DIAPH3: variants seen among roughly 807,000 people sequenced by gnomAD.
DIAPH3 encodes the protein diaphanous related formin 3, also known as protein diaphanous homolog 3.
DIAPH3 carries 117 observed loss-of-function variants against 144.3 expected under a neutral mutation model. The observed-to-expected ratio is 0.81, with a 90% CI of 0.70 to 0.95. DIAPH3 has a LOEUF of 0.95. Among genes scored for constraint, DIAPH3 ranks in the 40% least tolerant of loss-of-function variants. The probability of loss-of-function intolerance (pLI) is 0.00; values close to 1 mark genes in which losing one functional copy is unlikely to be tolerated. For synonymous variants in DIAPH3, 519 were observed against 488.9 expected (o/e 1.06, Z -0.81); for missense variants, 1,421 against 1,412.7 (o/e 1.01, Z -0.09).
intron 4 of DIAPH3, among the ~76,000 whole-genome samples, chr13:60,087,450 C>A (rs2057783980): frequency 6.6e-6 from 1 of 152,138 alleles, no homozygotes; most frequent in African/African-American, 2.4e-5. Flanking sequence ...TACATACACA[C>A]AAGAAACTAT....
chr13:60,051,002 A>T (rs1174815444), intron 4 of DIAPH3, among the ~76,000 whole-genome samples: 4 of 152,214 alleles, frequency 2.6e-5, no homozygotes, highest in Non-Finnish European at 5.9e-5. Context: ...AACTGTGAAG[A>T]TGATGTCCAG....
At chr13:60,061,693 G>GA (rs368084838) in intron 4 of DIAPH3, among the ~76,000 whole-genome samples, 24 of 151,570 alleles carry the variant, frequency 1.6e-4, no homozygotes, top group African/African-American at 5.8e-4. Context: ...AATACAGGGA[G>GA]AATTGTTTTT....
chr13:60,158,923 A>C (rs1489693507), intron 1 of DIAPH3, among the ~76,000 whole-genome samples: 1 of 151,548 alleles, frequency 6.6e-6, no homozygotes, highest in African/African-American at 2.4e-5. Flanking sequence ...AAAAAAAAAA[A>C]AAAAAAAAAC....
At chr13:60,141,333 A>G (rs913077030) in intron 1 of DIAPH3, among the ~76,000 whole-genome samples, 1 of 89,244 alleles carries the variant, frequency 1.1e-5, no homozygotes, top group African/African-American at 4.5e-5. Context: ...CTACTACACA[A>G]TTAGGCCAAC....
intron 17 of DIAPH3, among the ~76,000 whole-genome samples, chr13:59,936,111 A>G (rs1203368928): frequency 6.6e-6 from 1 of 151,974 alleles, no homozygotes; most frequent in Non-Finnish European, 1.5e-5. Context: ...GTATATCTAG[A>G]TTTTTTTTAG....
intron 27 of DIAPH3, among the ~76,000 whole-genome samples, chr13:59,683,276 T>C (rs1429297417): frequency 6.6e-6 from 1 of 151,960 alleles, no homozygotes; most frequent in African/African-American, 2.4e-5. Flanking sequence ...AAACCTCTCA[T>C]TTTTTTTCAA....
At chr13:59,902,839 C>T (rs1349486824) in intron 20 of DIAPH3, among the ~76,000 whole-genome samples, 1 of 152,204 alleles carries the variant, frequency 6.6e-6, no homozygotes, top group South Asian at 2.1e-4. Flanking sequence ...TTAAAAGATG[C>T]ATACCTCTAA....
intron 4 of DIAPH3, among the ~76,000 whole-genome samples, chr13:60,072,034 AC>A (rs947120192): frequency 6.6e-6 from 1 of 151,896 alleles, no homozygotes; most frequent in Non-Finnish European, 1.5e-5. Context: ...ACATTCGCCA[AC>A]CCCCTTCCTC....
At chr13:59,944,846 G>C (rs892138647) in intron 17 of DIAPH3, among the ~76,000 whole-genome samples, 1 of 151,930 alleles carries the variant, frequency 6.6e-6, no homozygotes, top group Non-Finnish European at 1.5e-5. Flanking sequence ...TTAGAAAGGA[G>C]AGAGGCAAAA....
At chr13:60,103,346 A>G (rs990080929) in intron 3 of DIAPH3, among the ~76,000 whole-genome samples, 1 of 152,120 alleles carries the variant, frequency 6.6e-6, no homozygotes, top group African/African-American at 2.4e-5. Context: ...AAATTTACAT[A>G]CATCAAGTTG....
At chr13:60,141,589 C>G (rs2059425965) in intron 1 of DIAPH3, among the ~76,000 whole-genome samples, 1 of 152,184 alleles carries the variant, frequency 6.6e-6, no homozygotes, top group Non-Finnish European at 1.5e-5. Context: ...TCAGGTAAAA[C>G]TTGGAATGTA....
intron 17 of DIAPH3, among the ~76,000 whole-genome samples, chr13:59,962,197 AAATT>A (rs1415527071): frequency 6.6e-5 from 10 of 152,220 alleles, no homozygotes; most frequent in Non-Finnish European, 1.2e-4. Context: ...TAGAGAGTCT[AAATT>A]AATTCTTAAC....
rs1952422945 is a variant in DIAPH3 at position 60,163,865 on chromosome 13, G to T, written c.-99C>A. 2 of 1,264,232 alleles carry T rather than the reference G, an allele frequency of 1.6e-6. No homozygotes were observed. The highest frequency in any genetic ancestry group is 2.2e-5 in the Admixed American group (1 of 44,744). The allele number at this position is 1,264,232 out of a possible 1,614,324, so 78.3% of individuals were successfully genotyped here. On this transcript the variant is annotated 5_prime_UTR_variant, in exon 1 of 28. Coordinates refer to ENST00000400324, the MANE Select transcript of DIAPH3 (RefSeq NM_001042517.2). ...ACAACAGGTTTTACTCCCGGGGTCC[G>T]CCACCCAAACAGTCAGCACAGCCTA... is the stretch of plus-strand genomic sequence containing the variant.
chr13:59,743,904 C>A (rs1362043930), intron 27 of DIAPH3, among the ~76,000 whole-genome samples: 1 of 152,140 alleles, frequency 6.6e-6, no homozygotes, highest in Non-Finnish European at 1.5e-5. Flanking sequence ...AAAGTCTACA[C>A]CCCACAGGCA....
chr13:59,927,174 A>AT (rs1436378574), intron 17 of DIAPH3, among the ~76,000 whole-genome samples: 1 of 151,966 alleles, frequency 6.6e-6, no homozygotes, highest in African/African-American at 2.4e-5. Flanking sequence ...CATACATTAC[A>AT]TTTTTTCAAT....
chr13:59,711,560 C>T (rs1327302761), intron 27 of DIAPH3, among the ~76,000 whole-genome samples: 1 of 152,156 alleles, frequency 6.6e-6, no homozygotes, highest in East Asian at 1.9e-4. Flanking sequence ...ACCACCACTA[C>T]CCCCTCTCTT....
intron 4 of DIAPH3, among the ~76,000 whole-genome samples, chr13:60,089,952 A>T (rs899598820): frequency 1.6e-4 from 24 of 152,074 alleles, no homozygotes; most frequent in African/African-American, 5.8e-4. Flanking sequence ...CAAAGAAAAA[A>T]CCCGGAGTAG....
intron 27 of DIAPH3, among the ~76,000 whole-genome samples, chr13:59,757,079 T>C (rs920589561): frequency 1.1e-4 from 17 of 152,194 alleles, no homozygotes; most frequent in South Asian, 2.1e-4. Flanking sequence ...GATGAAAATA[T>C]ATGCAATTTC....
chr13:60,023,059 T>TA (rs1028597557), intron 5 of DIAPH3, among the ~76,000 whole-genome samples: 5 of 151,808 alleles, frequency 3.3e-5, no homozygotes, highest in East Asian at 1.9e-4. Context: ...AGCCTCATTT[T>TA]AAAAAAAAAT....
Sources: allele counts gnomAD v4.1 joint callset (sites outside exome capture counted in the v4.1 genomes callset), GRCh38; gene constraint gnomAD v4.1.1; transcripts MANE v1.5; gene names NCBI Gene and HGNC (gene_info 2026-07-23, HGNC 2026-07-21).